Variants in JAKMIP1 observed in about 807,000 individuals in gnomAD.
JAKMIP1 encodes janus kinase and microtubule-interacting protein 1.
In JAKMIP1, 33 loss-of-function variants were observed where a neutral mutation model predicts 113.0. That is an observed-to-expected ratio of 0.29 (90% CI 0.22 to 0.39). The LOEUF is 0.39. Among genes scored for constraint, JAKMIP1 ranks in the 10% least tolerant of loss-of-function variants. The pLI is 1.00. For missense variants in JAKMIP1, 813 were observed against 1,080.5 expected (o/e 0.75, Z 3.47); for synonymous variants, 480 against 459.9 (o/e 1.04, Z -0.56).
intron 1 of JAKMIP1, among the ~76,000 whole-genome samples, chr4:6,131,235 A>G (rs889269352): frequency 3.3e-5 from 5 of 151,756 alleles, no homozygotes; most frequent in Non-Finnish European, 5.9e-5. Context: ...AAAAAGAATA[A>G]CAGGATGAGA....
chr4:6,086,211 A>C lies in JAKMIP1; in HGVS notation c.625-582T>G. 1.3e-5 allele frequency among the ~76,000 whole-genome samples: 2 copies of C among 152,146 alleles called. No individual in the cohort carries two copies. The highest frequency in any genetic ancestry group is 6.8e-3 in the Middle Eastern group (2 of 294). On this transcript the variant is annotated intron_variant, in intron 3 of 20. Coordinates refer to ENST00000409021, the MANE Select transcript of JAKMIP1 (RefSeq NM_001099433.2). This position sits in a 1 kb window ranked among gnomAD's most constrained non-coding sequence, Gnocchi z 4.1. ...CCCAAGGCCACTTCCCATGGTTTCTATCTTCTTTATAGACTGTCTTGCTCT... is the reference window on the plus strand; with the variant it reads ...CCCAAGGCCACTTCCCATGGTTTCTCTCTTCTTTATAGACTGTCTTGCTCT...
rs919263424 is a variant in JAKMIP1 at position 6,138,992 on chromosome 4, C to A, written c.-147-25995G>T. On this transcript the variant is annotated intron_variant, in intron 1 of 20. Coordinates refer to ENST00000409021, the MANE Select transcript of JAKMIP1 (RefSeq NM_001099433.2). This position sits in a 1 kb window ranked among gnomAD's most constrained non-coding sequence, Gnocchi z 6.0. ...GCTGGAATATGTCTCCCCACCCCAC[C>A]CTGTCTGTTCATCCTCCATGGCCTT... Among the ~76,000 whole-genome samples the A allele has an allele frequency of 1.3e-5, 2 of 151,996 alleles. No homozygotes were observed. The highest frequency in any genetic ancestry group is 2.9e-5 in the Non-Finnish European group (2 of 68,036).
intron 8 of JAKMIP1, among the ~76,000 whole-genome samples, chr4:6,071,193 C>T (rs1433428884): frequency 2.0e-5 from 3 of 152,198 alleles, no homozygotes; most frequent in African/African-American, 2.4e-5. Context: ...ACCCTTTAAG[C>T]CATGTTTCCT....
Position 6,042,068 on chromosome 4 carries a change from T to G in JAKMIP1, c.2097+91A>C. 9.6e-7 allele frequency: 1 copy of G among 1,041,576 alleles called. No individual in the cohort carries two copies. The highest frequency in any genetic ancestry group is 1.5e-6 in the Non-Finnish European group (1 of 676,818). The allele number at this position is 1,041,576 out of a possible 1,614,324, so 64.5% of individuals were successfully genotyped here. Reference sequence around the variant, plus strand: ...AAAATTGAGAAATGCATGCAAATCATTAGGAAAACACATGCAAAGCCTTCC... The same window carrying G: ...AAAATTGAGAAATGCATGCAAATCAGTAGGAAAACACATGCAAAGCCTTCC... On this transcript the variant is annotated intron_variant, in intron 17 of 20. Coordinates refer to ENST00000409021, the MANE Select transcript of JAKMIP1 (RefSeq NM_001099433.2). This position sits in a 1 kb window ranked among gnomAD's most constrained non-coding sequence, Gnocchi z 5.2.
intron 1 of JAKMIP1, among the ~76,000 whole-genome samples, chr4:6,128,987 C>T (rs1400825338): frequency 6.6e-6 from 1 of 152,246 alleles, no homozygotes; most frequent in African/African-American, 2.4e-5. Flanking sequence ...GGTCCACTTG[C>T]AACCTTCAGA....
chr4:6,028,606 T>C (rs1331695079), intron 20 of JAKMIP1, among the ~76,000 whole-genome samples: 3 of 152,318 alleles, frequency 2.0e-5, no homozygotes, highest in East Asian at 1.9e-4. Context: ...CTTCCAGAGA[T>C]TTCTGCCCTG....
chr4:6,167,378 C>T lies in JAKMIP1; in HGVS notation c.-148+32875G>A, dbSNP rs1723768804. Among the ~76,000 whole-genome samples the T allele has an allele frequency of 6.6e-6, 1 of 151,916 alleles. No homozygotes were observed. The highest frequency in any genetic ancestry group is 1.5e-5 in the Non-Finnish European group (1 of 68,004). ...CTCTGGCCTGGACCACTCCAGCCACCTCCTCACTCACCACCCTACCCTCAA... is the reference window on the plus strand; with the variant it reads ...CTCTGGCCTGGACCACTCCAGCCACTTCCTCACTCACCACCCTACCCTCAA... On this transcript the variant is annotated intron_variant, in intron 1 of 20. Coordinates refer to ENST00000409021, the MANE Select transcript of JAKMIP1 (RefSeq NM_001099433.2). The surrounding 1 kb of genome is among the most constrained non-coding windows in gnomAD (Gnocchi z 5.3).
intron 1 of JAKMIP1, among the ~76,000 whole-genome samples, chr4:6,170,589 C>T (rs1200949268): frequency 2.0e-5 from 3 of 150,504 alleles, no homozygotes; most frequent in Non-Finnish European, 4.4e-5. Context: ...TTACACCCAC[C>T]ATTGTCCTCA....
intron 1 of JAKMIP1, among the ~76,000 whole-genome samples, chr4:6,165,379 G>A (rs541821202): frequency 4.6e-5 from 7 of 152,264 alleles, no homozygotes; most frequent in South Asian, 4.2e-4. Context: ...TCCACCTCCC[G>A]GGTTCAAGCA....
In JAKMIP1 at chr4:6,031,939, T is replaced by C. The variant is rs1373874086; in HGVS notation, c.2380-2158A>G. ...TTATTTTTTTAAACTGATAATTTTC[T>C]ACTCTCTCCCACCCGAAGGGAACTG... On this transcript the variant is annotated intron_variant, in intron 19 of 20. Coordinates refer to ENST00000409021, the MANE Select transcript of JAKMIP1 (RefSeq NM_001099433.2). This position sits in a 1 kb window ranked among gnomAD's most constrained non-coding sequence, Gnocchi z 4.4. Among the ~76,000 whole-genome samples the C allele has an allele frequency of 6.6e-6, 1 of 152,238 alleles. No homozygotes were observed. The highest frequency in any genetic ancestry group is 1.5e-5 in the Non-Finnish European group (1 of 68,042).
In JAKMIP1 at chr4:6,178,552, C is replaced by G. The variant is rs1043119119; in HGVS notation, c.-148+21701G>C. Among the ~76,000 whole-genome samples, 2 of 152,152 alleles carry G rather than the reference C, an allele frequency of 1.3e-5. No individual in the cohort carries two copies. The highest frequency in any genetic ancestry group is 1.3e-4 in the Admixed American group (2 of 15,274). ...GGTGGTTTTCTGATGATATTGGAAG[C>G]ATTTCATGAACCGGGATATTTCGAA... On this transcript the variant is annotated intron_variant, in intron 1 of 20. Transcript: ENST00000409021. This position sits in a 1 kb window ranked among gnomAD's most constrained non-coding sequence, Gnocchi z 5.5.
At chr4:6,128,961 T>C (rs1718132495) in intron 1 of JAKMIP1, among the ~76,000 whole-genome samples, 1 of 152,190 alleles carries the variant, frequency 6.6e-6, no homozygotes. Context: ...CCCCTGGCCG[T>C]CTCACCCGGG....
At chr4:6,030,311 C>A (rs1165119220) in intron 19 of JAKMIP1, among the ~76,000 whole-genome samples, 1 of 152,108 alleles carries the variant, frequency 6.6e-6, no homozygotes, top group African/African-American at 2.4e-5. Context: ...ATCCGCCCTG[C>A]CCTCTTAGAA....
rs1725596262 is a variant in JAKMIP1, at chr4:6,178,197, C to A, written c.-148+22056G>T. Among the ~76,000 whole-genome samples, 1 of 152,186 alleles carries A rather than the reference C, an allele frequency of 6.6e-6. No individual in the cohort carries two copies. Among genetic ancestry groups the A allele is most frequent in the Admixed American group, 6.5e-5 (1 of 15,284 alleles). ...GTCCCCCATGGGTATAAAAAAATGA[C>A]CCTTTAATGTTTTGTATCTCATTTT... is the stretch of plus-strand genomic sequence containing the variant. On this transcript the variant is annotated intron_variant, in intron 1 of 20. Coordinates refer to ENST00000409021, the MANE Select transcript of JAKMIP1 (RefSeq NM_001099433.2). The surrounding 1 kb of genome is among the most constrained non-coding windows in gnomAD (Gnocchi z 5.5).
chr4:6,085,534 T>C lies in JAKMIP1; in HGVS notation c.720A>G (p.Lys240=), dbSNP rs760098060. The change falls in exon 4 of 21, where the codon AAA becomes AAG. Residue 240 remains lysine (K), a synonymous_variant. Transcript: ENST00000409021. ...AGQTQKLLLQ[K]EALDEQLVQV... ...GAACCAGCTGCTCATCCAAAGCCTC[T>C]TTCTGCAGAAGCAGCTTCTGGGTCT... 1.9e-6 allele frequency: 3 copies of C among 1,614,122 alleles called. No individual in the cohort carries two copies. The highest frequency in any genetic ancestry group is 2.7e-5 in the African/African-American group (2 of 74,936).
intron 3 of JAKMIP1, among the ~76,000 whole-genome samples, chr4:6,091,676 T>C (rs561916210): frequency 6.6e-6 from 1 of 152,136 alleles, no homozygotes; most frequent in Admixed American, 6.5e-5. Context: ...CCCATGAACA[T>C]ACGTGATTGA....
rs138963743 is a variant in JAKMIP1 at position 6,074,697 on chromosome 4, C to T, written c.1302+4242G>A. 5.9e-3 allele frequency among the ~76,000 whole-genome samples: 895 copies of T among 152,320 alleles called. 5 individuals are homozygous for T. Among genetic ancestry groups the T allele is most frequent in the Admixed American group, 8.0e-3 (123 of 15,304 alleles). On this transcript the variant is annotated intron_variant, in intron 8 of 20. Coordinates refer to ENST00000409021, the MANE Select transcript of JAKMIP1 (RefSeq NM_001099433.2). ...ATTACTTATAATATCGTACCTAATA[C>T]AGTGCAGATGCCCTGTAAACCCAGT...
chr4:6,172,062 G>T (rs1724792175), intron 1 of JAKMIP1, among the ~76,000 whole-genome samples: 1 of 152,142 alleles, frequency 6.6e-6, no homozygotes, highest in Admixed American at 6.5e-5. Context: ...CCCACACCAG[G>T]CCACGCAGGA....
At chr4:6,190,305 C>T (rs1476788373) in intron 1 of JAKMIP1, among the ~76,000 whole-genome samples, 2 of 152,164 alleles carry the variant, frequency 1.3e-5, no homozygotes, top group Non-Finnish European at 2.9e-5. Context: ...ATATCTCTAT[C>T]TAACATAGTT....
Sources: gnomAD v4.1 joint callset for allele counts (sites outside exome capture counted in the v4.1 genomes callset) on GRCh38, gnomAD v4.1.1 for gene constraint, Gnocchi (gnomAD v3.1) non-coding constraint, MANE v1.5 for transcripts, NCBI Gene and HGNC (gene_info 2026-07-23, HGNC 2026-07-21) for gene names.